AGO3: variants seen among roughly 807,000 people sequenced by gnomAD.
AGO3 encodes argonaute RISC catalytic component 3.
Under a neutral mutation model 105.5 loss-of-function variants are expected in AGO3, and 16 were observed. The ratio of observed to expected loss-of-function variants is 0.15; its 90% confidence interval spans 0.10 to 0.23. The LOEUF is 0.23. Among genes scored for constraint, AGO3 ranks in the 10% least tolerant of loss-of-function variants. The pLI is 1.00. For synonymous variants in AGO3, 340 were observed against 367.3 expected, an observed-to-expected ratio of 0.93 and a Z score of 0.85; for missense variants, 534 against 1,088.0, an observed-to-expected ratio of 0.49 and a Z score of 7.16.
At chr1:35,963,019 A>G (rs1646706344) in intron 2 of AGO3, among the ~76,000 whole-genome samples, 1 of 152,224 alleles carries the variant, frequency 6.6e-6, no homozygotes, top group East Asian at 1.9e-4. Flanking sequence ...TATTGGCTGG[A>G]CGCAGGGAAA....
intron 4 of AGO3, among the ~76,000 whole-genome samples, chr1:35,972,784 T>A (rs1198285796): frequency 6.6e-6 from 1 of 151,518 alleles, no homozygotes; most frequent in Non-Finnish European, 1.5e-5. Context: ...GCCTAAGCAA[T>A]CCTCCTACCT....
At chr1:36,047,748 G>C (rs907267944) in intron 17 of AGO3, among the ~76,000 whole-genome samples, 1 of 152,030 alleles carries the variant, frequency 6.6e-6, no homozygotes, top group Non-Finnish European at 1.5e-5. Context: ...AGGCATGGTG[G>C]CATGCACCTG....
At chr1:36,024,495 TCTTTTC>T (rs754533446) in intron 11 of AGO3, among the ~76,000 whole-genome samples, 11 of 152,254 alleles carry the variant, frequency 7.2e-5, no homozygotes, top group Non-Finnish European at 1.3e-4. Flanking sequence ...TTTTCTGGCT[TCTTTTC>T]CTTTTCATTA....
At chr1:36,026,361 G>A (rs554150706) in intron 11 of AGO3, among the ~76,000 whole-genome samples, 1 of 152,110 alleles carries the variant, frequency 6.6e-6, no homozygotes, top group African/African-American at 2.4e-5. Flanking sequence ...TCCTGCCTCA[G>A]CCTCCCAAAT....
intron 11 of AGO3, among the ~76,000 whole-genome samples, chr1:36,025,085 A>G (rs1641439539): frequency 6.6e-6 from 1 of 152,176 alleles, no homozygotes; most frequent in Admixed American, 6.6e-5. Context: ...AATGATCCTT[A>G]TCTAATTTAA....
At chr1:36,006,061 C>T (rs1329125293) in intron 6 of AGO3, among the ~76,000 whole-genome samples, 1 of 150,404 alleles carries the variant, frequency 6.6e-6, no homozygotes, top group Non-Finnish European at 1.5e-5. Context: ...GGGTGGGATC[C>T]AATTGACAAA....
upstream of AGO3, chr1:35,930,827 G>T (rs1175513624): frequency 1.1e-5 from 2 of 182,676 alleles, no homozygotes; most frequent in East Asian, 1.4e-4. Flanking sequence ...AAGCCCCGCC[G>T]CCAGCCGCGA....
At chr1:35,972,322 A>G in intron 4 of AGO3, 90 bp downstream of exon 4, 1 of 1,361,932 alleles carries the variant, frequency 7.3e-7, no homozygotes, top group South Asian at 1.3e-5. Context: ...TATTTGTCAT[A>G]TATTTTGATT....
At chr1:35,936,924 A>G (rs940312912) in intron 1 of AGO3, among the ~76,000 whole-genome samples, 2 of 152,158 alleles carry the variant, frequency 1.3e-5, no homozygotes, top group Non-Finnish European at 2.9e-5. Flanking sequence ...TGTGTTCTCA[A>G]TTGTAAGCTT....
At chr1:36,032,000 T>C (rs539947995) in intron 12 of AGO3, among the ~76,000 whole-genome samples, 10 of 152,296 alleles carry the variant, frequency 6.6e-5, no homozygotes, top group Admixed American at 2.0e-4. Context: ...TCATGAGTAA[T>C]GCTGCTATGA....
At chr1:35,933,861 T>C (rs1343621569) in intron 1 of AGO3, among the ~76,000 whole-genome samples, 1 of 152,068 alleles carries the variant, frequency 6.6e-6, no homozygotes, top group East Asian at 1.9e-4. Context: ...CAGAAAACTG[T>C]TAAATTTGTT....
chr1:36,043,980 C>T (rs1642357062), intron 17 of AGO3, among the ~76,000 whole-genome samples: 1 of 152,042 alleles, frequency 6.6e-6, no homozygotes, highest in Admixed American at 6.6e-5. Flanking sequence ...CAACAGGCCT[C>T]CACACTCAGC....
chr1:36,010,279 C>T (rs1055622371), intron 9 of AGO3, among the ~76,000 whole-genome samples: 4 of 151,910 alleles, frequency 2.6e-5, no homozygotes, highest in Non-Finnish European at 4.4e-5. Context: ...ATTGCTTAGT[C>T]CCCAGTATCA....
At chr1:36,009,115 C>T (rs1640472036) in intron 8 of AGO3, 71 bp downstream of exon 8, 1 of 1,369,480 alleles carries the variant, frequency 7.3e-7, no homozygotes, top group Non-Finnish European at 9.2e-7. Context: ...TGGCCGATAA[C>T]TTACCTCATA....
At chr1:36,001,228 C>G (rs1176651680) in intron 5 of AGO3, among the ~76,000 whole-genome samples, 2 of 151,940 alleles carry the variant, frequency 1.3e-5, no homozygotes, top group Non-Finnish European at 2.9e-5. Flanking sequence ...GAGGGAGACT[C>G]TGTCTCAAAA....
chr1:35,947,754 G>T (rs1333906195), intron 2 of AGO3, among the ~76,000 whole-genome samples: 1 of 152,106 alleles, frequency 6.6e-6, no homozygotes, highest in African/African-American at 2.4e-5. Flanking sequence ...ATGTCTTTCT[G>T]TGAGCCGTCA....
chr1:36,019,054 G>T (rs571153688), intron 11 of AGO3, among the ~76,000 whole-genome samples: 1 of 152,022 alleles, frequency 6.6e-6, no homozygotes, highest in Non-Finnish European at 1.5e-5. Flanking sequence ...CTGAAGTTTC[G>T]CTGCAGTGTG....
At chr1:36,020,760 C>T (rs1641176399) in intron 11 of AGO3, among the ~76,000 whole-genome samples, 2 of 151,906 alleles carry the variant, frequency 1.3e-5, no homozygotes, top group South Asian at 4.2e-4. Context: ...GGACTACAGG[C>T]GCATGCCACC....
chr1:35,958,553 C>T (rs1189067262), intron 2 of AGO3, among the ~76,000 whole-genome samples: 4 of 151,210 alleles, frequency 2.6e-5, no homozygotes, highest in Non-Finnish European at 5.9e-5. Flanking sequence ...CCCAGCTACT[C>T]GGGAGGTTGA....
Sources: allele counts gnomAD v4.1 joint callset (sites outside exome capture counted in the v4.1 genomes callset), GRCh38; gene constraint gnomAD v4.1.1; transcripts MANE v1.5; gene names NCBI Gene and HGNC (gene_info 2026-07-23, HGNC 2026-07-21).